SEMA4D: variants seen among roughly 807,000 people sequenced by gnomAD.
The protein encoded by SEMA4D is semaphorin 4D, also known as semaphorin-4D.
In SEMA4D, 22 loss-of-function variants were observed where a neutral mutation model predicts 74.8. The observed-to-expected ratio is 0.29, with a 90% CI of 0.21 to 0.42. SEMA4D has a LOEUF of 0.42. SEMA4D is among the 10% of genes least tolerant of loss of function. The probability of loss-of-function intolerance (pLI) is 1.00; values close to 1 mark genes in which losing one functional copy is unlikely to be tolerated. For synonymous variants in SEMA4D, 445 were observed against 463.7 expected (o/e 0.96, Z 0.52); for missense variants, 937 against 1,118.4 (o/e 0.84, Z 2.31).
chr9:89,452,602 C>T (rs972598941), intron 2 of SEMA4D, among the ~76,000 whole-genome samples: 1 of 152,202 alleles, frequency 6.6e-6, no homozygotes, highest in Non-Finnish European at 1.5e-5. Context: ...CAGGCATGAG[C>T]CACCACGCCC....
intron 7 of SEMA4D, 127 bp from the exon 8 acceptor site, chr9:89,392,663 G>A (rs1840114275): frequency 1.5e-6 from 1 of 649,122 alleles, no homozygotes; most frequent in Non-Finnish European, 2.8e-6. Flanking sequence ...TGGGGAAAGG[G>A]AAAGACAGTC....
chr9:89,438,014 T>C (rs1355125631), intron 2 of SEMA4D, among the ~76,000 whole-genome samples: 1 of 152,172 alleles, frequency 6.6e-6, no homozygotes. Flanking sequence ...GGGGTAGGGA[T>C]AGAAGGGCAG....
chr9:89,420,636 G>A (rs1003226852), intron 2 of SEMA4D, among the ~76,000 whole-genome samples: 1 of 152,238 alleles, frequency 6.6e-6, no homozygotes, highest in Non-Finnish European at 1.5e-5. Flanking sequence ...ACATGACCTC[G>A]CCTTCTGGGC....
intron 16 of SEMA4D, among the ~76,000 whole-genome samples, chr9:89,371,956 T>G (rs1835005225): frequency 2.2e-5 from 3 of 135,122 alleles, no homozygotes; most frequent in Middle Eastern, 4.7e-3. Context: ...GTGTGGGGTG[T>G]GGTGTGTGTG....
chr9:89,467,355 C>T (rs34871294), intron 1 of SEMA4D, among the ~76,000 whole-genome samples: 23,176 of 152,072 alleles, frequency 0.15, 2,050 homozygotes, highest in Non-Finnish European at 0.2. Context: ...CACAGCCATC[C>T]GGTTCCTACA....
At chr9:89,450,656 CCAGGAA>C (rs1564832568) in intron 2 of SEMA4D, 1 of 302,434 alleles carries the variant, frequency 3.3e-6, no homozygotes, top group Non-Finnish European at 5.1e-6. Flanking sequence ...GTCGAAAAAC[CCAGGAA>C]AAAAAAAAAA....
rs528286452 is a variant in SEMA4D at position 89,481,608 on chromosome 9, G to A, written c.-310+16311C>T. Among the ~76,000 whole-genome samples the A allele has an allele frequency of 5.3e-5, 8 of 152,374 alleles. No individual in the cohort carries two copies. In the South Asian group the frequency reaches 1.7e-3, roughly 32 times the overall value. The stretch of plus-strand genomic sequence containing the variant: ...TGGCGGATATAAATGTGCCTAAATT[G>A]TGGCAGACACACACACCGGAATACG... On this transcript the variant is annotated intron_variant, in intron 1 of 15. Transcript: ENST00000422704.
At chr9:89,379,751 A>G (rs765949679) in intron 15 of SEMA4D, 122 bp from the exon 16 acceptor site, 1 of 1,166,396 alleles carries the variant, frequency 8.6e-7, no homozygotes, top group Non-Finnish European at 1.2e-6. Context: ...GGAATCTTCC[A>G]GAACAACTAA....
chr9:89,394,436 G>T (rs528454846), intron 6 of SEMA4D, among the ~76,000 whole-genome samples: 1 of 152,234 alleles, frequency 6.6e-6, no homozygotes, highest in Non-Finnish European at 1.5e-5. Flanking sequence ...GGGCATCCAG[G>T]AGAAAAACAG....
chr9:89,406,187 C>T (rs529616997), intron 2 of SEMA4D, among the ~76,000 whole-genome samples: 1 of 152,256 alleles, frequency 6.6e-6, no homozygotes, highest in Non-Finnish European at 1.5e-5. Context: ...CACATGCACA[C>T]ACACAACATA....
At position 89,490,377 on chromosome 9, in the gene SEMA4D, G is replaced by A. The variant is rs186201308; in HGVS notation, c.-310+7542C>T. ...AAGGAGCTAGACAAAAGAGTATGCA[G>A]ATGGTCCCCCATTTACAATGGTTTC... On this transcript the variant is annotated intron_variant, in intron 1 of 15. Transcript: ENST00000422704. Among the ~76,000 whole-genome samples the A allele has an allele frequency of 3.3e-5, 5 of 152,344 alleles. No homozygotes were observed. The East Asian group carries it at 9.6e-4, about 29-fold the overall frequency.
rs192060037 is a variant in SEMA4D, at chr9:89,385,651, G to C, written c.1446+716C>G. 6.0e-6 allele frequency: 5 copies of C among 830,192 alleles called. No individual in the cohort carries two copies. In the South Asian group the frequency reaches 2.8e-4, roughly 46 times the overall value. 51.4% of individuals were successfully genotyped at this position (830,192 alleles called of 1,614,324 possible). On this transcript the variant is annotated intron_variant, in intron 13 of 15. Transcript: ENST00000422704. ...AGGCTCCCAAGCTTTGTGGATACAG[G>C]GGAGGGAAGAGGACAGAAGACCTGG...
chr9:89,364,891 A>G (rs961483975), intron 16 of SEMA4D: 5 of 129,330 alleles, frequency 3.9e-5, no homozygotes, highest in Admixed American at 9.3e-5. Context: ...ACTCCTAGAC[A>G]CTATTTGTTC....
At chr9:89,470,765 C>T (rs898323416) in intron 1 of SEMA4D, among the ~76,000 whole-genome samples, 8 of 151,892 alleles carry the variant, frequency 5.3e-5, no homozygotes, top group African/African-American at 1.9e-4. Flanking sequence ...TGAGCCTCAA[C>T]GGCACAGTGG....
intron 1 of SEMA4D, among the ~76,000 whole-genome samples, chr9:89,464,778 G>A (rs1419367603): frequency 6.6e-6 from 1 of 151,972 alleles, no homozygotes; most frequent in Non-Finnish European, 1.5e-5. Context: ...GGTTGCAGGG[G>A]TCCCCCGCCT....
chr9:89,370,208 G>A (rs1834338044), intron 16 of SEMA4D, among the ~76,000 whole-genome samples: 1 of 151,298 alleles, frequency 6.6e-6, no homozygotes, highest in Non-Finnish European at 1.5e-5. Flanking sequence ...TGTGTGATTT[G>A]GTGTATGTGA....
At chr9:89,465,678 C>T (rs1004515612) in intron 1 of SEMA4D, among the ~76,000 whole-genome samples, 3 of 152,208 alleles carry the variant, frequency 2.0e-5, no homozygotes, top group South Asian at 2.1e-4. Flanking sequence ...GAATTTCCAA[C>T]GGACACAATA....
chr9:89,393,683 C>T, intron 6 of SEMA4D, 28 bp from the exon 7 acceptor site: 2 of 1,507,238 alleles, frequency 1.3e-6, no homozygotes, highest in South Asian at 2.3e-5. Context: ...GAGAGCACAT[C>T]ATCAGATGGC....
chr9:89,443,574 T>C (rs958654394), intron 2 of SEMA4D, among the ~76,000 whole-genome samples: 2 of 152,242 alleles, frequency 1.3e-5, no homozygotes, highest in Non-Finnish European at 2.9e-5. Flanking sequence ...GAGGAGGATC[T>C]GCCTGGGGTA....
Sources: allele counts gnomAD v4.1 joint callset (sites outside exome capture counted in the v4.1 genomes callset), GRCh38; gene constraint gnomAD v4.1.1; transcripts MANE v1.5; gene names NCBI Gene and HGNC (gene_info 2026-07-23, HGNC 2026-07-21).